ASTN2: variants seen among roughly 807,000 people sequenced by gnomAD.
The protein encoded by ASTN2 is astrotactin-2.
A neutral mutation model predicts 139.8 loss-of-function variants in ASTN2; 54 were observed. That is an observed-to-expected ratio of 0.39 (90% CI 0.31 to 0.48). The LOEUF (loss-of-function observed/expected upper bound fraction) is 0.48, where lower values mean the gene tolerates loss of function less well. Among genes scored for constraint, ASTN2 ranks in the 20% least tolerant of loss-of-function variants. The pLI, the probability that ASTN2 is intolerant of heterozygous loss-of-function variation, is 0.95. For missense variants in ASTN2, 1,565 were observed against 1,725.1 expected, an observed-to-expected ratio of 0.91 and a Z score of 1.64; for synonymous variants, 756 against 719.5, an observed-to-expected ratio of 1.05 and a Z score of -0.81.
chr9:116,985,718 C>T (rs1836658801), intron 7 of ASTN2, among the ~76,000 whole-genome samples: 1 of 152,192 alleles, frequency 6.6e-6, no homozygotes, highest in Admixed American at 6.6e-5. Flanking sequence ...CATGTATTTC[C>T]AACAATCCAG....
chr9:117,097,486 G>A (rs527919681), intron 4 of ASTN2, among the ~76,000 whole-genome samples: 27 of 152,102 alleles, frequency 1.8e-4, no homozygotes, highest in Non-Finnish European at 3.4e-4. Flanking sequence ...AGATGGGCAC[G>A]GGAGAATAAG....
At position 117,341,982 on chromosome 9, in the gene ASTN2, A is replaced by C. The variant is rs116010209; in HGVS notation, c.443-50469T>G. Among the ~76,000 whole-genome samples, 763 of 152,310 alleles carry C rather than the reference A, an allele frequency of 5.0e-3. 9 individuals are homozygous for C. Among genetic ancestry groups the C allele is most frequent in the African/African-American group, 0.017 (704 of 41,570 alleles). Reference sequence around the variant, plus strand: ...ATATGAGCTGTTTGACTCAAATTGAAGTATGGACCCAACTTTGCAGCTATA... The same window carrying C: ...ATATGAGCTGTTTGACTCAAATTGACGTATGGACCCAACTTTGCAGCTATA... On this transcript the variant is annotated intron_variant, in intron 1 of 22. Coordinates refer to ENST00000313400, the MANE Select transcript of ASTN2 (RefSeq NM_001365068.1).
chr9:117,144,894 G>T (rs1185756806), intron 3 of ASTN2, among the ~76,000 whole-genome samples: 1 of 151,750 alleles, frequency 6.6e-6, no homozygotes, highest in African/African-American at 2.4e-5. Context: ...TGTTGGCCAG[G>T]CTGGTCTCAA....
chr9:116,932,648 C>T (rs537228321), intron 10 of ASTN2, among the ~76,000 whole-genome samples: 1 of 152,040 alleles, frequency 6.6e-6, no homozygotes, highest in East Asian at 1.9e-4. Context: ...GCTACAGGAA[C>T]CTGGAGTTCT....
intron 6 of ASTN2, among the ~76,000 whole-genome samples, chr9:117,016,610 CTATATCTATCTATCTATATATATA>C (rs1397503336): frequency 0.014 from 320 of 22,406 alleles, 37 homozygotes; most frequent in African/African-American, 0.045. Context: ...ATATCTATAT[CTATATCTATCTATCTATATATATA>C]TATATATATA....
intron 10 of ASTN2, among the ~76,000 whole-genome samples, chr9:116,889,106 A>G (rs534324453): frequency 6.6e-6 from 1 of 151,802 alleles, no homozygotes; most frequent in Admixed American, 6.6e-5. Context: ...CTGGTCTTGA[A>G]CTCCTGGCCT....
chr9:116,604,621 A>C (rs1855092676), intron 19 of ASTN2, among the ~76,000 whole-genome samples: 1 of 152,152 alleles, frequency 6.6e-6, no homozygotes, highest in Admixed American at 6.5e-5. Context: ...ACTAAGAGTA[A>C]ATTCCACAAG....
At chr9:116,966,951 T>A (rs964670110) in intron 10 of ASTN2, among the ~76,000 whole-genome samples, 1 of 152,212 alleles carries the variant, frequency 6.6e-6, no homozygotes, top group Non-Finnish European at 1.5e-5. Context: ...CAACATTTAC[T>A]GAGCACTCAC....
chr9:117,194,687 T>A (rs1001313754), intron 3 of ASTN2, among the ~76,000 whole-genome samples: 5 of 152,152 alleles, frequency 3.3e-5, no homozygotes, highest in African/African-American at 1.2e-4. Flanking sequence ...TGGACAGGAG[T>A]AATACATGTT....
rs942937819 is a variant in ASTN2, at chr9:116,564,143, A to G, written c.3355+54181T>C. On this transcript the variant is annotated intron_variant, in intron 19 of 22. Transcript: ENST00000313400. ...ACACATCAAATAAGTAGAGAAGTCC[A>G]GAGTCGAACCTAAACCTGATTCAAA... is the stretch of plus-strand genomic sequence containing the variant. Among the ~76,000 whole-genome samples the G allele has an allele frequency of 4.6e-5, 7 of 152,358 alleles. No homozygotes were observed. In the South Asian group the frequency reaches 1.4e-3, roughly 32 times the overall value.
intron 17 of ASTN2, among the ~76,000 whole-genome samples, chr9:116,649,785 A>G (rs1164697265): frequency 2.6e-5 from 4 of 152,062 alleles, no homozygotes; most frequent in Non-Finnish European, 5.9e-5. Flanking sequence ...ATCTAATCCC[A>G]TCAGCCTCCT....
At chr9:117,103,559 T>C (rs753681927) in intron 4 of ASTN2, among the ~76,000 whole-genome samples, 3 of 152,126 alleles carry the variant, frequency 2.0e-5, no homozygotes, top group Non-Finnish European at 2.9e-5. Context: ...CAATCTACCT[T>C]CTATTCTTGG....
intron 1 of ASTN2, among the ~76,000 whole-genome samples, chr9:117,351,398 A>G (rs959467066): frequency 2.0e-5 from 3 of 152,174 alleles, no homozygotes; most frequent in African/African-American, 7.2e-5. Flanking sequence ...TAAAAACTGA[A>G]ACAAAACAAA....
chr9:117,306,822 T>G (rs1564137627), intron 1 of ASTN2, among the ~76,000 whole-genome samples: 1 of 152,078 alleles, frequency 6.6e-6, no homozygotes, highest in Non-Finnish European at 1.5e-5. Flanking sequence ...GACCACTGAC[T>G]CAGGGCTGTA....
chr9:116,443,003 A>T (rs1383786176), intron 20 of ASTN2, among the ~76,000 whole-genome samples: 1 of 152,244 alleles, frequency 6.6e-6, no homozygotes, highest in Non-Finnish European at 1.5e-5. Flanking sequence ...GGTCATAAAG[A>T]TGAACAAGAG....
In ASTN2 at chr9:116,698,082, A is replaced by C. The variant is rs1244314148; in HGVS notation, c.2806+27689T>G. 6.2e-7 allele frequency: 1 copy of C among 1,613,976 alleles called. No homozygotes were observed. Among genetic ancestry groups the C allele is most frequent in the Non-Finnish European group, 8.5e-7 (1 of 1,180,014 alleles). On this transcript the variant is annotated intron_variant, in intron 16 of 22. Transcript: ENST00000313400. The surrounding 1 kb of genome is among the most constrained non-coding windows in gnomAD (Gnocchi z 4.4). Reference sequence around the variant, plus strand: ...GCGTCTGCCCCGGCAATTCTGCCGGAGCTGTGGTTTGGTGTTATGTGAGCC... The same window carrying C: ...GCGTCTGCCCCGGCAATTCTGCCGGCGCTGTGGTTTGGTGTTATGTGAGCC...
chr9:117,412,649 G>A (rs1489948898), intron 1 of ASTN2, among the ~76,000 whole-genome samples: 3 of 152,284 alleles, frequency 2.0e-5, no homozygotes, highest in African/African-American at 4.8e-5. Flanking sequence ...CCCAAGGACC[G>A]TCTCATCCCT....
intron 20 of ASTN2, among the ~76,000 whole-genome samples, chr9:116,470,493 C>T (rs1848779806): frequency 6.6e-6 from 1 of 152,058 alleles, no homozygotes; most frequent in Admixed American, 6.6e-5. Flanking sequence ...CTTCTTTGGG[C>T]TTTGGTTTTC....
At chr9:116,587,710 G>A (rs1854214497) in intron 19 of ASTN2, among the ~76,000 whole-genome samples, 1 of 152,124 alleles carries the variant, frequency 6.6e-6, no homozygotes, top group African/African-American at 2.4e-5. Context: ...TTAAGTCACT[G>A]TCCCCTTCTG....
Sources: gnomAD v4.1 joint callset for allele counts (sites outside exome capture counted in the v4.1 genomes callset) on GRCh38, gnomAD v4.1.1 for gene constraint, Gnocchi (gnomAD v3.1) non-coding constraint, MANE v1.5 for transcripts, NCBI Gene and HGNC (gene_info 2026-07-23, HGNC 2026-07-21) for gene names.